Variants in MYT1L observed in about 807,000 individuals in gnomAD.
The protein encoded by MYT1L is myelin transcription factor 1-like protein.
MYT1L carries 12 observed loss-of-function variants against 126.7 expected under a neutral mutation model. The observed-to-expected ratio is 0.09, with a 90% CI of 0.06 to 0.15. The LOEUF is 0.15. Ranked by LOEUF, MYT1L falls within the 10% of genes least tolerant of loss-of-function variation. The pLI, the probability that MYT1L is intolerant of heterozygous loss-of-function variation, is 1.00. For synonymous variants in MYT1L, 541 were observed against 604.2 expected (o/e 0.90, Z 1.53); for missense variants, 979 against 1,585.2 (o/e 0.62, Z 6.49).
intron 3 of MYT1L, among the ~76,000 whole-genome samples, chr2:2,143,443 C>T (rs2084357481): frequency 6.6e-6 from 1 of 152,158 alleles, no homozygotes; most frequent in East Asian, 1.9e-4. Flanking sequence ...CACATGGCCA[C>T]ACTTCCTGCA....
At chr2:2,124,554 C>T (rs907099995) in intron 3 of MYT1L, among the ~76,000 whole-genome samples, 1 of 152,184 alleles carries the variant, frequency 6.6e-6, no homozygotes, top group Non-Finnish European at 1.5e-5. Context: ...CCTCGGCCTC[C>T]CAAAGTGCTG....
intron 4 of MYT1L, among the ~76,000 whole-genome samples, chr2:2,053,456 C>A (rs2069090744): frequency 6.6e-6 from 1 of 152,112 alleles, no homozygotes; most frequent in Non-Finnish European, 1.5e-5. Flanking sequence ...AAGGCCATAA[C>A]CTGAAGTTTT....
At chr2:1,809,277 A>G in intron 21 of MYT1L, 110 bp from the exon 22 acceptor site, 2 of 1,028,100 alleles carry the variant, frequency 1.9e-6, no homozygotes, top group Non-Finnish European at 3.0e-6. Flanking sequence ...GGTTGCCAGC[A>G]AAAGGCTGTC....
At chr2:2,276,694 A>C (rs1393088842) in intron 2 of MYT1L, among the ~76,000 whole-genome samples, 1 of 152,092 alleles carries the variant, frequency 6.6e-6, no homozygotes, top group Non-Finnish European at 1.5e-5. Flanking sequence ...CCATGCCTTC[A>C]TTTTAGACTG....
chr2:2,286,837 G>A (rs1471175746), intron 1 of MYT1L, among the ~76,000 whole-genome samples: 1 of 152,178 alleles, frequency 6.6e-6, no homozygotes, highest in East Asian at 1.9e-4. Flanking sequence ...CCTGCAGAAG[G>A]CGGGAAGGGT....
chr2:2,022,718 A>T (rs1464849048), intron 4 of MYT1L, among the ~76,000 whole-genome samples: 3 of 151,892 alleles, frequency 2.0e-5, no homozygotes, highest in Non-Finnish European at 4.4e-5. Flanking sequence ...AAAAAAAAAG[A>T]AAAGTACACA....
At chr2:2,315,541 G>A (rs2096051807) in intron 1 of MYT1L, among the ~76,000 whole-genome samples, 1 of 152,092 alleles carries the variant, frequency 6.6e-6, no homozygotes, top group Non-Finnish European at 1.5e-5. Context: ...TATAACCCAT[G>A]AGGAAAGCAC....
At chr2:2,069,012 T>TTAAATCTTTTA (rs1232532404) in intron 3 of MYT1L, among the ~76,000 whole-genome samples, 9 of 152,032 alleles carry the variant, frequency 5.9e-5, no homozygotes, top group Non-Finnish European at 1.2e-4. Context: ...AGCCTGGGGC[T>TTAAATCTTTTA]GCAGAGTAAA....
In MYT1L at chr2:2,271,258, G is replaced by A. The variant is rs1411974021; in HGVS notation, c.-421+13146C>T. 4.6e-5 allele frequency among the ~76,000 whole-genome samples: 7 copies of A among 152,292 alleles called. No homozygotes were observed. In the South Asian group the frequency reaches 1.5e-3, roughly 32 times the overall value. Reference sequence around the variant, plus strand: ...TGAGGAGCTCCCCGCAGGCATACTGGCTCAGTTGCCCACACAGTCCAAGAA... The same window carrying A: ...TGAGGAGCTCCCCGCAGGCATACTGACTCAGTTGCCCACACAGTCCAAGAA... On this transcript the variant is annotated intron_variant, in intron 2 of 24. Coordinates refer to ENST00000647738, the MANE Select transcript of MYT1L (RefSeq NM_001303052.2).
chr2:2,161,262 G>A (rs887085300), intron 3 of MYT1L, among the ~76,000 whole-genome samples: 8 of 152,186 alleles, frequency 5.3e-5, no homozygotes, highest in Non-Finnish European at 1.2e-4. Context: ...ATATTTGTGA[G>A]ACCATATGGG....
intron 14 of MYT1L, among the ~76,000 whole-genome samples, chr2:1,900,444 C>T (rs184031518): frequency 6.6e-5 from 10 of 152,254 alleles, no homozygotes; most frequent in Non-Finnish European, 1.0e-4. Context: ...GGACTACAGG[C>T]ACCCGCCACC....
chr2:1,977,876 T>A, intron 8 of MYT1L, among the ~76,000 whole-genome samples: 1 of 152,346 alleles, frequency 6.6e-6, no homozygotes, highest in Middle Eastern at 3.4e-3. Flanking sequence ...TATTTCTTCA[T>A]AAAATAATAC....
At chr2:1,886,475 T>G in intron 18 of MYT1L, 64 bp downstream of exon 18, 1 of 1,151,570 alleles carries the variant, frequency 8.7e-7, no homozygotes, top group Non-Finnish European at 1.2e-6. Flanking sequence ...TGACATATCA[T>G]TTTTTTTTGT....
At position 2,037,925 on chromosome 2, in the gene MYT1L, C is replaced by T. The variant is rs116529423; in HGVS notation, c.-158+16053G>A. ...TTTGAATCCTCAAATCACTGTGTAA[C>T]CTCCCCTAACTCCCAGCACCGACTC... On this transcript the variant is annotated intron_variant, in intron 4 of 24. Transcript: ENST00000647738. Among the ~76,000 whole-genome samples the T allele has an allele frequency of 2.8e-3, 419 of 152,208 alleles. 1 individual carries two copies. Among genetic ancestry groups the T allele is most frequent in the African/African-American group, 9.5e-3 (393 of 41,524 alleles).
chr2:2,311,933 C>T (rs546878373), intron 1 of MYT1L, among the ~76,000 whole-genome samples: 24 of 152,328 alleles, frequency 1.6e-4, no homozygotes, highest in African/African-American at 5.8e-4. Context: ...GGTCCTCCAC[C>T]TACCTCACAG....
At chr2:2,041,870 GAA>G (rs1451964558) in intron 4 of MYT1L, among the ~76,000 whole-genome samples, 1 of 152,156 alleles carries the variant, frequency 6.6e-6, no homozygotes, top group Non-Finnish European at 1.5e-5. Context: ...ATTCTCTGTA[GAA>G]AAGTTTCTTC....
intron 1 of MYT1L, among the ~76,000 whole-genome samples, chr2:2,330,004 CTCTTT>C (rs1217095046): frequency 4.6e-5 from 7 of 150,636 alleles, no homozygotes; most frequent in South Asian, 4.2e-4. Flanking sequence ...TTTTATAAAA[CTCTTT>C]TCTTTTAAAA....
At chr2:2,191,430 G>A (rs887584292) in intron 2 of MYT1L, among the ~76,000 whole-genome samples, 1 of 152,202 alleles carries the variant, frequency 6.6e-6, no homozygotes, top group African/African-American at 2.4e-5. Context: ...ACTCTGGGAT[G>A]CATTTTTAAA....
chr2:2,118,275 T>C (rs1249180205), intron 3 of MYT1L, among the ~76,000 whole-genome samples: 1 of 152,126 alleles, frequency 6.6e-6, no homozygotes, highest in Admixed American at 6.6e-5. Flanking sequence ...AGATATTTAA[T>C]ATGAAGAATT....
Sources: allele counts gnomAD v4.1 joint callset (sites outside exome capture counted in the v4.1 genomes callset), GRCh38; gene constraint gnomAD v4.1.1; transcripts MANE v1.5; gene names NCBI Gene and HGNC (gene_info 2026-07-23, HGNC 2026-07-21).